DAOA: variants seen among roughly 807,000 people sequenced by gnomAD.
DAOA encodes D-amino acid oxidase activator.
Under a neutral mutation model 16.4 loss-of-function variants are expected in DAOA, and 15 were observed. That is an observed-to-expected ratio of 0.91 (90% CI 0.61 to 1.41). The LOEUF is 1.41. DAOA is among the 40% of genes most tolerant of loss of function. The pLI is 0.00. For missense variants in DAOA, 230 were observed against 176.8 expected (o/e 1.30, Z -1.71); for synonymous variants, 75 against 59.1 (o/e 1.27, Z -1.23).
chr13:105,483,167 C>A (rs972907059), intron 4 of DAOA, among the ~76,000 whole-genome samples: 4 of 152,004 alleles, frequency 2.6e-5, no homozygotes, highest in Non-Finnish European at 4.4e-5. Context: ...TGTTTGGATT[C>A]TTTTACTCAG....
chr13:105,483,203 G>T (rs546841849), intron 4 of DAOA, among the ~76,000 whole-genome samples: 1 of 152,036 alleles, frequency 6.6e-6, no homozygotes, highest in African/African-American at 2.4e-5. Context: ...TCTCATCTTC[G>T]TTGAGTCGTA....
At position 105,489,923 on chromosome 13, in the gene DAOA, G is replaced by A; in HGVS notation, c.304G>A (p.Val102Ile). 6.2e-7 allele frequency: 1 copy of A among 1,613,900 alleles called. No individual in the cohort carries two copies. Among genetic ancestry groups the A allele is most frequent in the South Asian group, 1.1e-5 (1 of 91,076 alleles). The part of the protein sequence containing the change: ...YAELEEVSSH[V>I]GKVFMARNYE... ...CAGGCTTGAAGAAGTAAGCAGCCAT[G>A]TTGGAAAAGTCTTCATGGCAAGAAA... The change falls in exon 5 of 6, where the codon GTT becomes ATT. Residue 102 changes from valine to isoleucine, a missense_variant. By Grantham distance (29) the Val-to-Ile change is conservative. Coordinates refer to ENST00000375936, the MANE Select transcript of DAOA (RefSeq NM_172370.5).
chr13:105,467,281 T>C (rs1876591844), intron 3 of DAOA, 140 bp downstream of exon 3: 1 of 979,418 alleles, frequency 1.0e-6, no homozygotes, highest in Non-Finnish European at 1.4e-6. Flanking sequence ...GAAGAAAATT[T>C]TTCCAGTTAA....
chr13:105,481,205 C>A (rs769504108), intron 4 of DAOA, among the ~76,000 whole-genome samples: 17 of 152,092 alleles, frequency 1.1e-4, no homozygotes, highest in Non-Finnish European at 2.1e-4. Context: ...TAGTCCTGGG[C>A]ACAATTTATT....
At chr13:105,471,419 G>A (rs1876948278) in intron 3 of DAOA, among the ~76,000 whole-genome samples, 1 of 152,142 alleles carries the variant, frequency 6.6e-6, no homozygotes, top group African/African-American at 2.4e-5. Flanking sequence ...GATTTGATAT[G>A]AAGTTTACCT....
intron 4 of DAOA, among the ~76,000 whole-genome samples, chr13:105,487,416 G>T (rs1185127952): frequency 6.6e-6 from 1 of 152,086 alleles, no homozygotes; most frequent in Non-Finnish European, 1.5e-5. Context: ...GAGCATCTGA[G>T]TTCTGTGCTC....
chr13:105,488,536 T>A (rs777624768), intron 4 of DAOA, among the ~76,000 whole-genome samples: 1 of 152,182 alleles, frequency 6.6e-6, no homozygotes, highest in Non-Finnish European at 1.5e-5. Context: ...AAAACGCAAT[T>A]ATCTGTTTTG....
At chr13:105,476,137 CTCTT>C (rs1176570509) in intron 4 of DAOA, among the ~76,000 whole-genome samples, 1 of 151,948 alleles carries the variant, frequency 6.6e-6, no homozygotes, top group Admixed American at 6.6e-5. Context: ...TTTTTTCAGA[CTCTT>C]TCAGAGACAT....
chr13:105,487,186 T>C (rs1395584175), intron 4 of DAOA, among the ~76,000 whole-genome samples: 2 of 152,272 alleles, frequency 1.3e-5, no homozygotes, highest in African/African-American at 4.8e-5. Context: ...CTCACATATA[T>C]GCAATTATTT....
At chr13:105,475,811 T>C (rs2139181364) in intron 4 of DAOA, among the ~76,000 whole-genome samples, 1 of 152,308 alleles carries the variant, frequency 6.6e-6, no homozygotes, top group Admixed American at 6.5e-5. Flanking sequence ...ATACTCTCAA[T>C]TATATTTAAG....
chr13:105,486,245 A>G (rs1228498630), intron 4 of DAOA, among the ~76,000 whole-genome samples: 2 of 152,064 alleles, frequency 1.3e-5, no homozygotes, highest in Non-Finnish European at 2.9e-5. Flanking sequence ...GCGCTCACTC[A>G]TTGGAGTGTT....
intron 3 of DAOA, among the ~76,000 whole-genome samples, chr13:105,472,188 A>C (rs1877002558): frequency 6.6e-6 from 1 of 152,216 alleles, no homozygotes; most frequent in South Asian, 2.1e-4. Context: ...TTATTTAAGT[A>C]TGGTATAGGC....
chr13:105,490,494 AGT>A (rs1187865034), intron 5 of DAOA: 1 of 152,424 alleles, frequency 6.6e-6, no homozygotes, highest in African/African-American at 2.4e-5. Context: ...TTATCCAAAT[AGT>A]AATGATGTCT....
chr13:105,484,487 AT>A (rs1375494008), intron 4 of DAOA, among the ~76,000 whole-genome samples: 1 of 152,034 alleles, frequency 6.6e-6, no homozygotes, highest in African/African-American at 2.4e-5. Flanking sequence ...GTAATCATTA[AT>A]TTTTCCTTAG....
At chr13:105,488,701 A>C (rs536928391) in intron 4 of DAOA, among the ~76,000 whole-genome samples, 3 of 152,342 alleles carry the variant, frequency 2.0e-5, no homozygotes, top group South Asian at 4.1e-4. Flanking sequence ...TGGAAAAGTG[A>C]AAAACATATT....
intron 4 of DAOA, among the ~76,000 whole-genome samples, chr13:105,474,508 C>A (rs769248294): frequency 1.1e-4 from 17 of 152,048 alleles, no homozygotes; most frequent in Non-Finnish European, 1.9e-4. Flanking sequence ...AATGTTCTAT[C>A]AACTTGCATT....
In DAOA at chr13:105,489,985, C is replaced by T. The variant is rs765165162; in HGVS notation, c.366C>T (p.Arg122=). 8.1e-6 allele frequency: 13 copies of T among 1,613,226 alleles called. 1 individual carries two copies. The South Asian group carries it at 9.9e-5, about 12-fold the overall frequency. ...EFLAYEASKD[R]RQPLERMWTC... ...TTGCCTATGAGGCCTCTAAGGACCG[C>T]AGGCAGCCTCTAGAACGAATGTGGA... Residue 122 remains arginine (R), a synonymous_variant, in exon 5 of 6, where the codon CGC becomes CGT. Coordinates refer to ENST00000375936, the MANE Select transcript of DAOA (RefSeq NM_172370.5).
upstream of DAOA, chr13:105,465,919 A>G (rs72549462): frequency 5.6e-6 from 1 of 177,582 alleles, no homozygotes; most frequent in Non-Finnish European, 1.2e-5. Flanking sequence ...AATGACTCAC[A>G]ATAATTTAAT....
chr13:105,490,657 A>AT (rs1197466967), intron 5 of DAOA: 1 of 152,012 alleles, frequency 6.6e-6, no homozygotes, highest in Non-Finnish European at 1.5e-5. Flanking sequence ...CATTACTTTT[A>AT]TTTTTTCTAT....
Sources: gnomAD v4.1 joint callset for allele counts (sites outside exome capture counted in the v4.1 genomes callset) on GRCh38, gnomAD v4.1.1 for gene constraint, MANE v1.5 for transcripts, NCBI Gene and HGNC (gene_info 2026-07-23, HGNC 2026-07-21) for gene names.